PXDNL: variants seen among roughly 807,000 people sequenced by gnomAD.
PXDNL encodes the protein peroxidasin like, also known as probable oxidoreductase PXDNL.
Under a neutral mutation model 150.8 loss-of-function variants are expected in PXDNL, and 145 were observed. The observed-to-expected ratio is 0.96, with a 90% CI of 0.84 to 1.10. The LOEUF (loss-of-function observed/expected upper bound fraction) is 1.10. Among genes scored for constraint, PXDNL ranks in the 50% least tolerant of loss-of-function variants. The pLI is 0.00. For missense variants in PXDNL, 2,087 were observed against 1,873.9 expected, an observed-to-expected ratio of 1.11 and a Z score of -2.10; for synonymous variants, 757 against 725.7, an observed-to-expected ratio of 1.04 and a Z score of -0.69.
chr8:51,594,380 G>T (rs1306841326), intron 2 of PXDNL, among the ~76,000 whole-genome samples: 1 of 152,104 alleles, frequency 6.6e-6, no homozygotes, highest in Non-Finnish European at 1.5e-5. Context: ...CATACAAAAG[G>T]TGTCTTTGGG....
At chr8:51,544,411 C>G (rs146048318) in intron 4 of PXDNL, among the ~76,000 whole-genome samples, 1 of 152,170 alleles carries the variant, frequency 6.6e-6, no homozygotes, top group African/African-American at 2.4e-5. Flanking sequence ...ATCTTCTGCA[C>G]TGACACAATC....
chr8:51,365,538 T>G (rs1383826986), intron 19 of PXDNL, among the ~76,000 whole-genome samples: 2 of 152,214 alleles, frequency 1.3e-5, no homozygotes, highest in Non-Finnish European at 2.9e-5. Flanking sequence ...CTTGGTATTA[T>G]CCTCCTGATA....
intron 1 of PXDNL, among the ~76,000 whole-genome samples, chr8:51,779,058 G>T (rs2037384685): frequency 6.6e-6 from 1 of 152,148 alleles, no homozygotes; most frequent in African/African-American, 2.4e-5. Context: ...TATATCCACT[G>T]ATAACCATAA....
At chr8:51,696,168 CTTAA>C (rs1044058747) in intron 1 of PXDNL, among the ~76,000 whole-genome samples, 2 of 152,172 alleles carry the variant, frequency 1.3e-5, no homozygotes, top group African/African-American at 4.8e-5. Flanking sequence ...CTGCTGTGGA[CTTAA>C]TTGTGTCCCC....
chr8:51,649,319 C>G (rs1814987131), intron 2 of PXDNL, among the ~76,000 whole-genome samples: 1 of 152,144 alleles, frequency 6.6e-6, no homozygotes, highest in African/African-American at 2.4e-5. Context: ...GGAAAGTCGG[C>G]AAATAACACA....
chr8:51,708,424 A>G (rs1816426787), intron 1 of PXDNL, among the ~76,000 whole-genome samples: 1 of 152,266 alleles, frequency 6.6e-6, no homozygotes, highest in African/African-American at 2.4e-5. Context: ...GAGCTAAGAA[A>G]GCAGACTAAA....
intron 3 of PXDNL, among the ~76,000 whole-genome samples, chr8:51,581,869 A>G (rs532548830): frequency 7.2e-5 from 11 of 152,256 alleles, no homozygotes; most frequent in African/African-American, 2.6e-4. Context: ...GAGATGTTTC[A>G]TTACTGATGC....
chr8:51,526,724 T>C (rs1165532057), intron 4 of PXDNL, among the ~76,000 whole-genome samples: 1 of 152,234 alleles, frequency 6.6e-6, no homozygotes, highest in Non-Finnish European at 1.5e-5. Flanking sequence ...AGTGGGAATT[T>C]AAAGATGCTG....
At chr8:51,521,871 A>T (rs1200423470) in intron 4 of PXDNL, among the ~76,000 whole-genome samples, 1 of 152,218 alleles carries the variant, frequency 6.6e-6, no homozygotes, top group Non-Finnish European at 1.5e-5. Context: ...TGAATTATTT[A>T]AAATACTAAA....
rs967949878 is a variant in PXDNL, at chr8:51,623,079, T to G, written c.237-30381A>C. ...ACAAAGGTTTCCATACTTCCTGGTT[T>G]AAAATTTCAATTTTCAGTTTTTGTT... On this transcript the variant is annotated intron_variant, in intron 2 of 22. Coordinates refer to ENST00000356297, the MANE Select transcript of PXDNL (RefSeq NM_144651.5). Among the ~76,000 whole-genome samples the G allele has an allele frequency of 2.0e-5, 3 of 152,378 alleles. No homozygotes were observed. The Middle Eastern group carries it at 0.01, about 518-fold the overall frequency.
intron 7 of PXDNL, among the ~76,000 whole-genome samples, chr8:51,473,482 G>A (rs777530935): frequency 6.6e-6 from 1 of 152,100 alleles, no homozygotes; most frequent in Non-Finnish European, 1.5e-5. Context: ...ATTAAAAGAA[G>A]TAGAATCAGA....
intron 1 of PXDNL, among the ~76,000 whole-genome samples, chr8:51,681,901 T>C (rs1039587557): frequency 6.6e-6 from 1 of 152,154 alleles, no homozygotes; most frequent in Non-Finnish European, 1.5e-5. Flanking sequence ...TCTGTATAAA[T>C]CTATCATACA....
chr8:51,442,222 G>C (rs899888935), intron 12 of PXDNL, among the ~76,000 whole-genome samples: 4 of 150,592 alleles, frequency 2.7e-5, no homozygotes, highest in Non-Finnish European at 5.9e-5. Context: ...AAATTTGTGG[G>C]TTACATATTG....
chr8:51,680,709 C>T (rs946388169), intron 1 of PXDNL, among the ~76,000 whole-genome samples: 1 of 152,236 alleles, frequency 6.6e-6, no homozygotes, highest in Non-Finnish European at 1.5e-5. Context: ...GGCCAGACAG[C>T]GAGTCTCCCA....
At chr8:51,496,015 G>A (rs1214284700) in intron 5 of PXDNL, among the ~76,000 whole-genome samples, 2 of 152,072 alleles carry the variant, frequency 1.3e-5, no homozygotes, top group South Asian at 2.1e-4. Flanking sequence ...GATGAACATC[G>A]ATGCAAAAAT....
intron 17 of PXDNL, among the ~76,000 whole-genome samples, chr8:51,402,258 G>A (rs2977014): frequency 6.6e-6 from 1 of 152,162 alleles, no homozygotes; most frequent in African/African-American, 2.4e-5. Flanking sequence ...GGCTGGGCAC[G>A]ATGGCTCACA....
At chr8:51,697,950 T>C (rs988683292) in intron 1 of PXDNL, among the ~76,000 whole-genome samples, 6 of 152,240 alleles carry the variant, frequency 3.9e-5, no homozygotes, top group African/African-American at 1.4e-4. Context: ...GACTATACTA[T>C]GGTCTTTTAA....
At chr8:51,483,793 G>A (rs1012131255) in intron 5 of PXDNL, 79 bp from the exon 6 acceptor site, 1 of 813,524 alleles carries the variant, frequency 1.2e-6, no homozygotes, top group South Asian at 1.6e-5. Context: ...TCACCTAACT[G>A]TGAATCCAAT....
chr8:51,516,608 A>G (rs767795757), intron 4 of PXDNL, among the ~76,000 whole-genome samples: 10 of 152,154 alleles, frequency 6.6e-5, no homozygotes, highest in Admixed American at 5.2e-4. Flanking sequence ...CAATATTAGC[A>G]TTTTCTAGAG....
Sources: allele counts gnomAD v4.1 joint callset (sites outside exome capture counted in the v4.1 genomes callset), GRCh38; gene constraint gnomAD v4.1.1; transcripts MANE v1.5; gene names NCBI Gene and HGNC (gene_info 2026-07-23, HGNC 2026-07-21).